The following KIRREL3 variants were observed in gnomAD, a reference collection of about 807,000 sequenced individuals.
The protein encoded by KIRREL3 is kirre like nephrin family adhesion molecule 3.
In KIRREL3, 36 loss-of-function variants were observed where a neutral mutation model predicts 89.7. The ratio of observed to expected loss-of-function variants is 0.40; its 90% CI spans 0.31 to 0.53. The LOEUF (loss-of-function observed/expected upper bound fraction) is 0.53. Ranked by LOEUF, KIRREL3 falls within the 20% of genes least tolerant of loss-of-function variation. KIRREL3 has a pLI of 0.49. For missense variants in KIRREL3, 864 were observed against 1,056.6 expected (o/e 0.82, Z 2.53); for synonymous variants, 445 against 441.4 (o/e 1.01, Z -0.10).
chr11:126,995,784 G>T lies in KIRREL3; in HGVS notation c.55+4671C>A, dbSNP rs1198729115. 6.6e-6 allele frequency among the ~76,000 whole-genome samples: 1 copy of T among 152,144 alleles called. No individual in the cohort carries two copies. The highest frequency in any genetic ancestry group is 2.4e-5 in the African/African-American group (1 of 41,422). On this transcript the variant is annotated intron_variant, in intron 1 of 16. Coordinates refer to ENST00000525144, the MANE Select transcript of KIRREL3 (RefSeq NM_032531.4). The surrounding 1 kb of genome is among the most constrained non-coding windows in gnomAD (Gnocchi z 6.5). ...TTTTTTGGGTCTGCAATATAATGCT[G>T]CCTAAGTCATCCCCACTGGGCTGAA...
chr11:126,786,020 C>T (rs1950478016), intron 1 of KIRREL3, among the ~76,000 whole-genome samples: 1 of 151,708 alleles, frequency 6.6e-6, no homozygotes, highest in African/African-American at 2.4e-5. Flanking sequence ...TTTTGTCAAC[C>T]TGTTCCAAGA....
At chr11:126,663,302 C>T (rs1289094622) in intron 1 of KIRREL3, among the ~76,000 whole-genome samples, 1 of 150,908 alleles carries the variant, frequency 6.6e-6, no homozygotes, top group East Asian at 2.0e-4. Context: ...TCTCCTGCCT[C>T]AGCCTCCTGA....
intron 1 of KIRREL3, among the ~76,000 whole-genome samples, chr11:126,728,889 A>G (rs1841499364): frequency 6.6e-6 from 1 of 151,574 alleles, no homozygotes; most frequent in South Asian, 2.1e-4. Flanking sequence ...ACGCTGCCCC[A>G]TTCTCAAGGT....
rs1327388833 is a variant in KIRREL3, at chr11:126,817,743, A to G, written c.55+182712T>C. ...TCACATCCTGTCACGCTAGCTAATGATAGCATTTGTAGGGCAGCTGGAATA... is the reference window on the plus strand; with the variant it reads ...TCACATCCTGTCACGCTAGCTAATGGTAGCATTTGTAGGGCAGCTGGAATA... On this transcript the variant is annotated intron_variant, in intron 1 of 16. Coordinates refer to ENST00000525144, the MANE Select transcript of KIRREL3 (RefSeq NM_032531.4). This position sits in a 1 kb window ranked among gnomAD's most constrained non-coding sequence, Gnocchi z 5.7. 6.6e-6 allele frequency among the ~76,000 whole-genome samples: 1 copy of G among 152,210 alleles called. No individual in the cohort carries two copies. The highest frequency in any genetic ancestry group is 2.4e-5 in the African/African-American group (1 of 41,452).
At position 126,684,318 on chromosome 11, in the gene KIRREL3, A is replaced by G. The variant is rs887817050; in HGVS notation, c.56-121406T>C. 6.6e-6 allele frequency among the ~76,000 whole-genome samples: 1 copy of G among 152,246 alleles called. No individual in the cohort carries two copies. Among genetic ancestry groups the G allele is most frequent in the Non-Finnish European group, 1.5e-5 (1 of 68,042 alleles). Reference sequence around the variant, plus strand: ...GTTAGACTAGATTGGGGCTTTCAACATTGCTGATATTTTGAACAGCAGAAT... The same window carrying G: ...GTTAGACTAGATTGGGGCTTTCAACGTTGCTGATATTTTGAACAGCAGAAT... On this transcript the variant is annotated intron_variant, in intron 1 of 16. Transcript: ENST00000525144. This position sits in a 1 kb window ranked among gnomAD's most constrained non-coding sequence, Gnocchi z 4.2.
At chr11:126,701,307 A>G (rs921347019) in intron 1 of KIRREL3, among the ~76,000 whole-genome samples, 3 of 152,136 alleles carry the variant, frequency 2.0e-5, no homozygotes, top group African/African-American at 7.2e-5. Context: ...CTCTTAGCAT[A>G]AATCCCCAGC....
At chr11:126,573,022 C>G (rs1373572462) in intron 1 of KIRREL3, among the ~76,000 whole-genome samples, 1 of 152,256 alleles carries the variant, frequency 6.6e-6, no homozygotes, top group African/African-American at 2.4e-5. Flanking sequence ...GAGAGAAGAA[C>G]AAAATGTCCT....
At chr11:126,945,271 T>C (rs1487113868) in intron 1 of KIRREL3, among the ~76,000 whole-genome samples, 1 of 152,206 alleles carries the variant, frequency 6.6e-6, no homozygotes, top group African/African-American at 2.4e-5. Context: ...GGCATCCCAG[T>C]GTCTATAGCT....
intron 1 of KIRREL3, among the ~76,000 whole-genome samples, chr11:126,925,077 C>T (rs1217445935): frequency 1.5e-5 from 2 of 129,628 alleles, no homozygotes; most frequent in Non-Finnish European, 3.2e-5. Flanking sequence ...TGCACAGCTT[C>T]CTCCTCACCA....
rs889442046 is a variant in KIRREL3, at chr11:126,715,260, G to A, written c.56-152348C>T. ...CTCAGGCTATCCCCATCTATTTTGT[G>A]GGGGAAGAAAACTATTCAGCATTTT... On this transcript the variant is annotated intron_variant, in intron 1 of 16. Coordinates refer to ENST00000525144, the MANE Select transcript of KIRREL3 (RefSeq NM_032531.4). The surrounding 1 kb of genome is among the most constrained non-coding windows in gnomAD (Gnocchi z 4.4). 1.3e-5 allele frequency among the ~76,000 whole-genome samples: 2 copies of A among 152,178 alleles called. No homozygotes were observed. Among genetic ancestry groups the A allele is most frequent in the Admixed American group, 6.5e-5 (1 of 15,284 alleles).
In KIRREL3 at chr11:126,682,570, C is replaced by T. The variant is rs1336429860; in HGVS notation, c.56-119658G>A. Among the ~76,000 whole-genome samples the T allele has an allele frequency of 6.6e-6, 1 of 152,052 alleles. No homozygotes were observed. Among genetic ancestry groups the T allele is most frequent in the African/African-American group, 2.4e-5 (1 of 41,388 alleles). On this transcript the variant is annotated intron_variant, in intron 1 of 16. Transcript: ENST00000525144. This position sits in a 1 kb window ranked among gnomAD's most constrained non-coding sequence, Gnocchi z 4.8. ...ACAGTGGTCCCCAGCATTTTTGGCA[C>T]CAGGGACAGGTTTCATGGATGGCAA...
intron 1 of KIRREL3, among the ~76,000 whole-genome samples, chr11:126,893,356 A>C (rs1946001260): frequency 6.6e-6 from 1 of 152,218 alleles, no homozygotes; most frequent in Non-Finnish European, 1.5e-5. Flanking sequence ...GTCCTTCTAA[A>C]CTTAAGTCAT....
Position 126,520,926 on chromosome 11 carries a change from G to A in KIRREL3, c.433+389C>T, listed in dbSNP as rs1295164983. On this transcript the variant is annotated intron_variant, in intron 4 of 16. Coordinates refer to ENST00000525144, the MANE Select transcript of KIRREL3 (RefSeq NM_032531.4). This position sits in a 1 kb window ranked among gnomAD's most constrained non-coding sequence, Gnocchi z 4.9. ...TAGGGCTTTGTTAGCACCGGAGTGG[G>A]GGTCAGTTCAGAAAGAAGGGACCCA... Among the ~76,000 whole-genome samples, 1 of 152,158 alleles carries A rather than the reference G, an allele frequency of 6.6e-6. No homozygotes were observed. The highest frequency in any genetic ancestry group is 1.5e-5 in the Non-Finnish European group (1 of 68,014).
chr11:126,937,640 C>T lies in KIRREL3; in HGVS notation c.55+62815G>A, dbSNP rs1257146886. On this transcript the variant is annotated intron_variant, in intron 1 of 16. Coordinates refer to ENST00000525144, the MANE Select transcript of KIRREL3 (RefSeq NM_032531.4). ...AGTTGGCCGGGCGTGGTGGCTCATG[C>T]CTGTAATCCCAGCACTTTGGAGGCC... Among the ~76,000 whole-genome samples the T allele has an allele frequency of 2.6e-5, 4 of 152,218 alleles. No individual in the cohort carries two copies. In the East Asian group the frequency reaches 7.7e-4, roughly 29 times the overall value.
intron 1 of KIRREL3, among the ~76,000 whole-genome samples, chr11:126,932,323 G>A (rs931941609): frequency 6.6e-6 from 1 of 152,126 alleles, no homozygotes; most frequent in East Asian, 1.9e-4. Context: ...ACACATATGA[G>A]CATCAACATT....
At chr11:126,971,474 C>T (rs1949423128) in intron 1 of KIRREL3, among the ~76,000 whole-genome samples, 1 of 152,144 alleles carries the variant, frequency 6.6e-6, no homozygotes, top group Non-Finnish European at 1.5e-5. Flanking sequence ...GTTGTCTTCC[C>T]AGGCTGTCAT....
chr11:126,615,094 T>C lies in KIRREL3; in HGVS notation c.56-52182A>G, dbSNP rs1943290152. On this transcript the variant is annotated intron_variant, in intron 1 of 16. Transcript: ENST00000525144. The surrounding 1 kb of genome is among the most constrained non-coding windows in gnomAD (Gnocchi z 5.4). Reference sequence around the variant, plus strand: ...GATGCTCTGGGGGGCTGAACTCAGGTCTGTGGGTAGAGAGTCAGGGAAAGA... The same window carrying C: ...GATGCTCTGGGGGGCTGAACTCAGGCCTGTGGGTAGAGAGTCAGGGAAAGA... 1.3e-5 allele frequency among the ~76,000 whole-genome samples: 2 copies of C among 152,006 alleles called. No individual in the cohort carries two copies. Among genetic ancestry groups the C allele is most frequent in the African/African-American group, 4.8e-5 (2 of 41,384 alleles).
intron 13 of KIRREL3, among the ~76,000 whole-genome samples, chr11:126,435,051 C>T (rs185254554): frequency 3.9e-5 from 6 of 152,174 alleles, no homozygotes; most frequent in Admixed American, 6.5e-5. Flanking sequence ...TGGGTTCCGG[C>T]GGCAGGCAGG....
intron 1 of KIRREL3, among the ~76,000 whole-genome samples, chr11:126,895,146 C>G (rs1946097508): frequency 6.6e-6 from 1 of 152,046 alleles, no homozygotes. Flanking sequence ...GCTGCTTCCC[C>G]ACACGGAGCT....
Sources: gnomAD v4.1 joint callset for allele counts (sites outside exome capture counted in the v4.1 genomes callset) on GRCh38, gnomAD v4.1.1 for gene constraint, Gnocchi (gnomAD v3.1) non-coding constraint, MANE v1.5 for transcripts, NCBI Gene and HGNC (gene_info 2026-07-23, HGNC 2026-07-21) for gene names.